The following TPGS2 variants were observed in gnomAD, a reference collection of about 807,000 sequenced individuals.
TPGS2 encodes the protein polyglutamylase subunit 2.
Under a neutral mutation model 31.1 loss-of-function variants are expected in TPGS2, and 26 were observed. The ratio of observed to expected loss-of-function variants is 0.84; its 90% CI spans 0.61 to 1.16. TPGS2 has a LOEUF of 1.16. Among genes scored for constraint, TPGS2 ranks in the 50% most tolerant of loss-of-function variants. The pLI is 0.00. For missense variants in TPGS2, 351 were observed against 363.8 expected (o/e 0.96, Z 0.29); for synonymous variants, 130 against 136.6 (o/e 0.95, Z 0.34).
At position 36,818,960 on chromosome 18, in the gene TPGS2, A is replaced by G; in HGVS notation, c.99T>C (p.Gly33=). The G allele has an allele frequency of 6.2e-7, 1 of 1,613,362 alleles. No homozygotes were observed. Among genetic ancestry groups the G allele is most frequent in the Non-Finnish European group, 8.5e-7 (1 of 1,179,598 alleles). ...GITRILESSP[G]VTEVTIIEKP... ...TTTCTATGATGGTCACCTCAGTCAC[A>G]CCTGGGGAAGATTCTGGAAGAGAAA... The change falls in exon 2 of 7, where the codon GGT becomes GGC. Residue 33 remains glycine, a synonymous_variant. Coordinates refer to ENST00000334295, the MANE Select transcript of TPGS2 (RefSeq NM_015476.4).
intron 4 of TPGS2, among the ~76,000 whole-genome samples, chr18:36,803,811 A>AT (rs2044964946): frequency 6.6e-6 from 1 of 151,994 alleles, no homozygotes; most frequent in Non-Finnish European, 1.5e-5. Flanking sequence ...GAAAGTCTTT[A>AT]TGTTGTCTTA....
At chr18:36,816,842 C>T (rs933775363) in intron 2 of TPGS2, among the ~76,000 whole-genome samples, 15 of 152,160 alleles carry the variant, frequency 9.9e-5, no homozygotes, top group African/African-American at 3.6e-4. Context: ...CTCCTGACCT[C>T]GTGATCTGCC....
intron 1 of TPGS2, among the ~76,000 whole-genome samples, chr18:36,823,435 TCTCTGA>T (rs1372479416): frequency 6.7e-6 from 1 of 149,896 alleles, no homozygotes; most frequent in Non-Finnish European, 1.5e-5. Context: ...ACCTCAAATC[TCTCTGA>T]CTTCCTTGTT....
At chr18:36,798,017 G>C in intron 6 of TPGS2, 1 of 293,642 alleles carries the variant, frequency 3.4e-6, no homozygotes, top group Non-Finnish European at 5.3e-6. Context: ...AACACCAAAA[G>C]TGTGCATGCA....
rs2044513902 is a variant in TPGS2 at position 36,796,099 on chromosome 18, C to T, written c.*706G>A. On this transcript the variant is annotated 3_prime_UTR_variant, in exon 7 of 7. Transcript: ENST00000334295. ...TGAGGAAGACAAACTTTATAGGAAGCTGCAAAAGAAATGAGCAGAGCGAGA... is the reference window on the plus strand; with the variant it reads ...TGAGGAAGACAAACTTTATAGGAAGTTGCAAAAGAAATGAGCAGAGCGAGA... 3.0e-6 allele frequency: 3 copies of T among 985,392 alleles called. No individual in the cohort carries two copies. The highest frequency in any genetic ancestry group is 5.2e-4 in the Middle Eastern group (1 of 1,914). 61.0% of individuals were successfully genotyped at this position (985,392 alleles called of 1,614,324 possible).
At chr18:36,814,044 T>C (rs1165826077) in intron 2 of TPGS2, among the ~76,000 whole-genome samples, 1 of 152,232 alleles carries the variant, frequency 6.6e-6, no homozygotes, top group East Asian at 1.9e-4. Flanking sequence ...AAAGGAGATA[T>C]TCTGCCAAAT....
intron 1 of TPGS2, 29 bp downstream of exon 1, chr18:36,828,654 C>T: frequency 1.2e-6 from 2 of 1,612,986 alleles, no homozygotes; most frequent in Non-Finnish European, 1.7e-6. Flanking sequence ...TCCTCCACAC[C>T]CTCTCGGCAC....
At chr18:36,781,125 C>A (rs1397620135), downstream of TPGS2, among the ~76,000 whole-genome samples, 1 of 152,146 alleles carries the variant, frequency 6.6e-6, no homozygotes, top group African/African-American at 2.4e-5. Flanking sequence ...TCATCAACAG[C>A]TGAGATCAGA....
intron 1 of TPGS2, among the ~76,000 whole-genome samples, chr18:36,823,603 G>T (rs2045999607): frequency 6.6e-6 from 1 of 150,976 alleles, no homozygotes. Context: ...TGGGACTACA[G>T]GCGCCCGCTA....
At chr18:36,812,592 T>TA (rs1012900636) in intron 2 of TPGS2, among the ~76,000 whole-genome samples, 1 of 152,162 alleles carries the variant, frequency 6.6e-6, no homozygotes, top group Non-Finnish European at 1.5e-5. Flanking sequence ...TCCTTTGTAA[T>TA]AAACCTGTAA....
intron 4 of TPGS2, among the ~76,000 whole-genome samples, chr18:36,803,256 C>T (rs1285604092): frequency 6.6e-6 from 1 of 152,104 alleles, no homozygotes; most frequent in East Asian, 1.9e-4. Flanking sequence ...GCCTGTTGAC[C>T]AACGTTTCCC....
intron 1 of TPGS2, among the ~76,000 whole-genome samples, chr18:36,827,690 C>G (rs1385527174): frequency 1.3e-5 from 2 of 152,336 alleles, no homozygotes; most frequent in African/African-American, 2.4e-5. Flanking sequence ...CCTTAGTTTT[C>G]TGGCTAACTC....
intron 1 of TPGS2, among the ~76,000 whole-genome samples, chr18:36,827,733 T>G (rs532129486): frequency 4.6e-5 from 7 of 152,364 alleles, no homozygotes; most frequent in Middle Eastern, 3.4e-3. Flanking sequence ...CATCATCTCC[T>G]CTGTGACATG....
intron 5 of TPGS2, among the ~76,000 whole-genome samples, 170 bp from the exon 6 acceptor site, chr18:36,798,779 C>G (rs1314366107): frequency 1.3e-5 from 2 of 152,204 alleles, no homozygotes; most frequent in African/African-American, 4.8e-5. Flanking sequence ...CAGTCTCCTT[C>G]TCTAGTGGCC....
intron 3 of TPGS2, among the ~76,000 whole-genome samples, chr18:36,806,672 G>A (rs2045149362): frequency 6.6e-6 from 1 of 151,820 alleles, no homozygotes; most frequent in Non-Finnish European, 1.5e-5. Context: ...CCAACATGGT[G>A]AAACCCTGTC....
intron 6 of TPGS2, chr18:36,787,007 C>A: frequency 8.1e-7 from 1 of 1,234,306 alleles, no homozygotes; most frequent in Non-Finnish European, 1.0e-6. Flanking sequence ...CTCCTCAGCT[C>A]CCATTGGAGG....
At chr18:36,805,703 C>T (rs555636729) in intron 3 of TPGS2, among the ~76,000 whole-genome samples, 4 of 152,166 alleles carry the variant, frequency 2.6e-5, no homozygotes, top group South Asian at 4.2e-4. Context: ...GAACTGGGGG[C>T]CACGGGTGAT....
At chr18:36,799,511 A>T (rs1234568030) in intron 5 of TPGS2, among the ~76,000 whole-genome samples, 2 of 151,626 alleles carry the variant, frequency 1.3e-5, no homozygotes, top group African/African-American at 2.4e-5. Context: ...TGTCTCTTTT[A>T]CTCCACCAAA....
intron 6 of TPGS2, among the ~76,000 whole-genome samples, chr18:36,783,429 C>T (rs1199195225): frequency 6.6e-6 from 1 of 152,154 alleles, no homozygotes; most frequent in East Asian, 1.9e-4. Context: ...ATTACAAAAC[C>T]GCCAGAAAAG....
Sources: allele counts gnomAD v4.1 joint callset (sites outside exome capture counted in the v4.1 genomes callset), GRCh38; gene constraint gnomAD v4.1.1; transcripts MANE v1.5; gene names NCBI Gene and HGNC (gene_info 2026-07-23, HGNC 2026-07-21).